SERPINF1: variants seen among roughly 807,000 people sequenced by gnomAD.
SERPINF1 encodes pigment epithelium-derived factor.
A neutral mutation model predicts 37.3 loss-of-function variants in SERPINF1; 29 were observed. That is an observed-to-expected ratio of 0.78 (90% confidence interval 0.58 to 1.06). SERPINF1 has a LOEUF of 1.06. Ranked by LOEUF, SERPINF1 falls within the 50% of genes least tolerant of loss-of-function variation. The pLI, the probability that SERPINF1 is intolerant of heterozygous loss-of-function variation, is 0.00. For synonymous variants in SERPINF1, 281 were observed against 227.9 expected (o/e 1.23, Z -2.10); for missense variants, 553 against 532.2 (o/e 1.04, Z -0.38).
chr17:1,776,177 T>A (rs1908017952), intron 6 of SERPINF1, among the ~76,000 whole-genome samples: 1 of 152,156 alleles, frequency 6.6e-6, no homozygotes, highest in Non-Finnish European at 1.5e-5. Context: ...AGTCCAGTGC[T>A]CTCTATTTAA....
At chr17:1,766,691 G>A in intron 1 of SERPINF1, 1 of 572,506 alleles carries the variant, frequency 1.7e-6, no homozygotes, top group Non-Finnish European at 3.1e-6. Context: ...GGCAGGGGGA[G>A]GGGCGGGAGA....
intron 5 of SERPINF1, 47 bp downstream of exon 5, chr17:1,772,122 C>T (rs1374647560): frequency 2.6e-6 from 4 of 1,566,522 alleles, no homozygotes; most frequent in Non-Finnish European, 3.5e-6. Context: ...TGTATTTTAA[C>T]TAATTAATTA....
At chr17:1,772,541 G>A (rs983135511) in intron 5 of SERPINF1, among the ~76,000 whole-genome samples, 5 of 151,040 alleles carry the variant, frequency 3.3e-5, no homozygotes, top group Admixed American at 3.3e-4. Flanking sequence ...ATGAGCCACC[G>A]CGCCCGGCCC....
At position 1,776,888 on chromosome 17, in the gene SERPINF1, G is replaced by A. The variant is rs1908067913; in HGVS notation, c.997+146G>A. The A allele has an allele frequency of 4.9e-6, 4 of 814,772 alleles. No homozygotes were observed. The South Asian group carries it at 6.4e-5, about 13-fold the overall frequency. 50.5% of individuals were successfully genotyped at this position (814,772 alleles called of 1,614,324 possible). ...GTCCTTAATCCTCATCGTGCCAGAA[G>A]GGAAGGCTGAACTGCCTTCTCTCAT... On this transcript the variant is annotated intron_variant, in intron 7 of 7. Coordinates refer to ENST00000254722, the MANE Select transcript of SERPINF1 (RefSeq NM_002615.7).
intron 2 of SERPINF1, among the ~76,000 whole-genome samples, chr17:1,769,255 A>C (rs550811499): frequency 2.0e-3 from 311 of 152,034 alleles, no homozygotes; most frequent in African/African-American, 7.0e-3. Context: ...TAAAAATACA[A>C]AAAATTACCC....
At chr17:1,763,537 C>T (rs190042850) in intron 1 of SERPINF1, among the ~76,000 whole-genome samples, 5 of 152,364 alleles carry the variant, frequency 3.3e-5, no homozygotes, top group Non-Finnish European at 7.3e-5. Flanking sequence ...AGCCCATGAG[C>T]AACCACTGTG....
intron 5 of SERPINF1, among the ~76,000 whole-genome samples, chr17:1,772,455 T>TCA (rs1907805958): frequency 6.6e-6 from 1 of 152,126 alleles, no homozygotes; most frequent in East Asian, 1.9e-4. Context: ...GTTGCCATGA[T>TCA]GCCCAGGCTG....
intron 1 of SERPINF1, among the ~76,000 whole-genome samples, chr17:1,764,141 C>T (rs1200475964): frequency 1.3e-5 from 2 of 152,226 alleles, no homozygotes; most frequent in Admixed American, 6.5e-5. Flanking sequence ...GAGATCGCGC[C>T]ACTGCACTTT....
intron 6 of SERPINF1, among the ~76,000 whole-genome samples, chr17:1,775,928 ATC>A (rs1379182351): frequency 2.0e-5 from 3 of 152,162 alleles, no homozygotes; most frequent in Admixed American, 6.6e-5. Flanking sequence ...TATCACACGG[ATC>A]TCTCTGGGAA....
At chr17:1,769,366 G>A (rs1242352439) in intron 2 of SERPINF1, among the ~76,000 whole-genome samples, 2 of 148,508 alleles carry the variant, frequency 1.3e-5, no homozygotes, top group African/African-American at 2.5e-5. Flanking sequence ...CCGAGATCAC[G>A]CCACCGTACT....
In SERPINF1 at chr17:1,777,311, C is replaced by T; in HGVS notation, c.1122C>T (p.Ser374=). ...AGGATGGGGCGGGAACCACCCCCAGCCCAGGGCTGCAGCCTGCCCACCTCA... is the reference window on the plus strand; with the variant it reads ...AGGATGGGGCGGGAACCACCCCCAGTCCAGGGCTGCAGCCTGCCCACCTCA... ...WNEDGAGTTP[S]PGLQPAHLTF... is the part of the protein sequence containing the mutation. Residue 374 remains serine (S), a synonymous_variant, in exon 8 of 8, where the codon AGC becomes AGT. Coordinates refer to ENST00000254722, the MANE Select transcript of SERPINF1 (RefSeq NM_002615.7). 2 of 1,614,120 alleles carry T rather than the reference C, an allele frequency of 1.2e-6. No individual in the cohort carries two copies. The highest frequency in any genetic ancestry group is 1.7e-6 in the Non-Finnish European group (2 of 1,180,026).
chr17:1,776,982 AGTCT>A (rs1457679585), intron 7 of SERPINF1, among the ~76,000 whole-genome samples: 1 of 151,520 alleles, frequency 6.6e-6, no homozygotes, highest in Non-Finnish European at 1.5e-5. Context: ...TCTCAAGACG[AGTCT>A]GTCTGACCTG....
intron 1 of SERPINF1, chr17:1,762,838 C>T (rs72822439): frequency 0.23 from 34,276 of 152,316 alleles, 4,146 homozygotes; most frequent in Middle Eastern, 0.3. Flanking sequence ...AGACAAGGGC[C>T]GTCCGAGATG....
At position 1,777,255 on chromosome 17, in the gene SERPINF1, G is replaced by A. The variant is rs747820456; in HGVS notation, c.1066G>A (p.Val356Met). 1.9e-6 allele frequency: 3 copies of A among 1,614,008 alleles called. No homozygotes were observed. Among genetic ancestry groups the A allele is most frequent in the African/African-American group, 1.3e-5 (1 of 74,904 alleles). Residue 356 changes from valine to methionine, a missense_variant, in exon 8 of 8, where the codon GTG becomes ATG. Val to Met is a conservative substitution (Grantham distance 21). Transcript: ENST00000254722. ...AGGCAAACCCATCAAGCTGACTCAG[G>A]TGGAACACCGGGCTGGCTTTGAGTG... is the stretch of plus-strand genomic sequence containing the variant. ...ITGKPIKLTQ[V>M]EHRAGFEWNE...
In SERPINF1 at chr17:1,772,067, A is replaced by C; in HGVS notation, c.635A>C (p.His212Pro). 6.2e-7 allele frequency: 1 copy of C among 1,609,790 alleles called. No homozygotes were observed. The highest frequency in any genetic ancestry group is 8.5e-7 in the Non-Finnish European group (1 of 1,178,596). The part of the protein sequence containing the change: ...EISILLLGVA[H>P]FKGQWVTKFD... ...AGCATTCTCCTTCTCGGTGTGGCGC[A>C]CTTCAAGGGTGAGCGCGTCTCCAAT... The change falls in exon 5 of 8, where the codon CAC (histidine) becomes CCC (proline). Residue 212 changes from histidine to proline, a missense_variant. His to Pro is a moderately conservative substitution (Grantham distance 77). Coordinates refer to ENST00000254722, the MANE Select transcript of SERPINF1 (RefSeq NM_002615.7).
chr17:1,769,617 C>T (rs1023208359), intron 2 of SERPINF1: 2 of 576,526 alleles, frequency 3.5e-6, no homozygotes, highest in African/African-American at 1.9e-5. Flanking sequence ...CAGTAAGACT[C>T]TGTCTCAAAT....
intron 2 of SERPINF1, among the ~76,000 whole-genome samples, chr17:1,769,396 G>A (rs953755453): frequency 3.5e-5 from 5 of 141,508 alleles, no homozygotes; most frequent in African/African-American, 8.6e-5. Context: ...GCGACAGAGC[G>A]AGACTCCGTC....
Position 1,776,637 on chromosome 17 carries a change from A to C in SERPINF1, c.892A>C (p.Ile298Leu), listed in dbSNP as rs770365262. The change falls in exon 7 of 8, where the codon ATT becomes CTT. Residue 298 changes from isoleucine to leucine, a missense_variant. By Grantham distance (5) the Ile-to-Leu change is conservative (BLOSUM62 2). Coordinates refer to ENST00000254722, the MANE Select transcript of SERPINF1 (RefSeq NM_002615.7). ...AGAGGAGAGCCTCACCTCCGAGTTC[A>C]TTCATGACATAGACCGAGAACTGAA... ...LIEESLTSEFIHDIDRELKTV... is the reference protein window; with the variant it reads ...LIEESLTSEFLHDIDRELKTV... 1 of 1,613,940 alleles carries C rather than the reference A, an allele frequency of 6.2e-7. No individual in the cohort carries two copies. The highest frequency in any genetic ancestry group is 1.1e-5 in the South Asian group (1 of 91,074).
intron 4 of SERPINF1, 104 bp from the exon 5 acceptor site, chr17:1,771,768 G>GCA: frequency 9.1e-7 from 1 of 1,101,308 alleles, no homozygotes; most frequent in East Asian, 2.5e-5. Context: ...TGGGAAGTCA[G>GCA]GGCCTGCTGA....
Sources: gnomAD v4.1 joint callset for allele counts (sites outside exome capture counted in the v4.1 genomes callset) on GRCh38, gnomAD v4.1.1 for gene constraint, MANE v1.5 for transcripts, NCBI Gene and HGNC (gene_info 2026-07-23, HGNC 2026-07-21) for gene names.